NF1: variants seen among roughly 807,000 people sequenced by gnomAD.
The protein encoded by NF1 is neurofibromin 1.
In NF1, 122 loss-of-function variants were observed where a neutral mutation model predicts 325.7. The ratio of observed to expected loss-of-function variants is 0.37; its 90% confidence interval spans 0.32 to 0.44. The LOEUF (loss-of-function observed/expected upper bound fraction) is 0.44. Ranked by LOEUF, NF1 falls within the 20% of genes least tolerant of loss-of-function variation. The pLI, the probability that NF1 is intolerant of heterozygous loss-of-function variation, is 1.00. For synonymous variants in NF1, 1,091 were observed against 1,186.0 expected, an observed-to-expected ratio of 0.92 and a Z score of 1.65; for missense variants, 2,140 against 3,415.4, an observed-to-expected ratio of 0.63 and a Z score of 9.31.
chr17:31,330,262 G>A (rs568133192), intron 38 of NF1, 34 bp from the exon 39 acceptor site: 12 of 1,601,476 alleles, frequency 7.5e-6, no homozygotes, highest in Middle Eastern at 3.3e-4. Context: ...GGAAAAATAC[G>A]TTTTAAAACA....
intron 46 of NF1, among the ~76,000 whole-genome samples, chr17:31,339,221 A>G (rs923309216): frequency 6.6e-6 from 1 of 152,270 alleles, no homozygotes; most frequent in East Asian, 1.9e-4. Flanking sequence ...TAATGAAGTA[A>G]ACAAAATACG....
chr17:31,232,641 G>T, intron 25 of NF1, 59 bp from the exon 26 acceptor site: 1 of 1,512,510 alleles, frequency 6.6e-7, no homozygotes, highest in Non-Finnish European at 9.1e-7. Flanking sequence ...GGAATGTCTG[G>T]TTAGCTTTCT....
In NF1 at chr17:31,302,748, G is replaced by A. The variant is rs11652740; in HGVS notation, c.4836-23072G>A. ...TAGTCCCAGCTACTCAGTAGGCTGA[G>A]GCAGGAGAACCCCTTTAACGTGGGA... is the stretch of plus-strand genomic sequence containing the variant. On this transcript the variant is annotated intron_variant, in intron 36 of 57. Coordinates refer to ENST00000358273, the MANE Select transcript of NF1 (RefSeq NM_001042492.3). Among the ~76,000 whole-genome samples, 10 of 152,248 alleles carry A rather than the reference G, an allele frequency of 6.6e-5. No homozygotes were observed. The East Asian group carries it at 1.9e-3, about 29-fold the overall frequency.
At chr17:31,305,186 A>T (rs1267163540) in intron 36 of NF1, 1 of 1,614,138 alleles carries the variant, frequency 6.2e-7, no homozygotes, top group African/African-American at 1.3e-5. Flanking sequence ...GTATAGACAA[A>T]TGACTTTGGT....
chr17:31,185,823 C>CT (rs2066228420), intron 8 of NF1, among the ~76,000 whole-genome samples: 1 of 152,160 alleles, frequency 6.6e-6, no homozygotes, highest in Non-Finnish European at 1.5e-5. Flanking sequence ...TCCAATGGTG[C>CT]TTGAAGTGTC....
chr17:31,102,684 A>G (rs1026918678), intron 1 of NF1, among the ~76,000 whole-genome samples: 1 of 151,526 alleles, frequency 6.6e-6, no homozygotes, highest in African/African-American at 2.4e-5. Context: ...ACAGTGAGCC[A>G]TGATTGTGCC....
intron 5 of NF1, among the ~76,000 whole-genome samples, chr17:31,173,924 A>C (rs7215602): frequency 6.6e-6 from 1 of 152,208 alleles, no homozygotes; most frequent in Non-Finnish European, 1.5e-5. Flanking sequence ...GAGTAATGTC[A>C]TTATTTGGAA....
chr17:31,368,855 C>A (rs1880421751), intron 57 of NF1, among the ~76,000 whole-genome samples: 4 of 152,156 alleles, frequency 2.6e-5, no homozygotes, highest in Admixed American at 1.3e-4. Context: ...AAGTCTCAAA[C>A]CTAGGTCTTC....
At chr17:31,123,640 A>C (rs1321475519) in intron 1 of NF1, among the ~76,000 whole-genome samples, 1 of 152,218 alleles carries the variant, frequency 6.6e-6, no homozygotes, top group East Asian at 1.9e-4. Context: ...AAGTGAAGAT[A>C]GTTGAAATGT....
At chr17:31,116,030 G>C (rs1913875264) in intron 1 of NF1, among the ~76,000 whole-genome samples, 1 of 152,150 alleles carries the variant, frequency 6.6e-6, no homozygotes, top group Non-Finnish European at 1.5e-5. Flanking sequence ...ACTTATGACA[G>C]CTATATCATC....
At chr17:31,217,321 T>A (rs2066835769) in intron 13 of NF1, among the ~76,000 whole-genome samples, 1 of 152,076 alleles carries the variant, frequency 6.6e-6, no homozygotes, top group Non-Finnish European at 1.5e-5. Flanking sequence ...TCTTCTTTTT[T>A]TTTTTTCTGA....
intron 57 of NF1, among the ~76,000 whole-genome samples, chr17:31,368,040 A>C (rs2070564606): frequency 6.6e-6 from 1 of 152,248 alleles, no homozygotes; most frequent in African/African-American, 2.4e-5. Context: ...TAATTTATAA[A>C]AGATGCCTTT....
intron 5 of NF1, among the ~76,000 whole-genome samples, chr17:31,174,312 A>G (rs2065981710): frequency 6.6e-6 from 1 of 152,224 alleles, no homozygotes; most frequent in Non-Finnish European, 1.5e-5. Context: ...AAATGAACAT[A>G]CTTTTATGAT....
chr17:31,203,564 A>G (rs2066568401), intron 11 of NF1, among the ~76,000 whole-genome samples: 1 of 152,210 alleles, frequency 6.6e-6, no homozygotes, highest in Non-Finnish European at 1.5e-5. Flanking sequence ...TAAAGTGAAT[A>G]TAGAAATTTA....
intron 36 of NF1, chr17:31,272,621 A>T (rs1597762066): frequency 6.6e-6 from 1 of 152,200 alleles, no homozygotes; most frequent in East Asian, 1.9e-4. Flanking sequence ...TCTTCCTGGG[A>T]TTAGGTCTGG....
At chr17:31,361,142 A>G in intron 57 of NF1, 1 of 160,944 alleles carries the variant, frequency 6.2e-6, no homozygotes, top group Non-Finnish European at 1.3e-5. Flanking sequence ...TCTATTAGGT[A>G]CCTCACTTTC....
chr17:31,178,446 A>C (rs2066063443), intron 5 of NF1, among the ~76,000 whole-genome samples: 2 of 152,232 alleles, frequency 1.3e-5, no homozygotes. Flanking sequence ...TATGCTGTGA[A>C]GAAACTGCAT....
chr17:31,350,109 TAAG>T, intron 49 of NF1, 71 bp from the exon 50 acceptor site: 1 of 1,524,750 alleles, frequency 6.6e-7, no homozygotes, highest in Non-Finnish European at 9.1e-7. Context: ...TAGGAGACTG[TAAG>T]AAGTTCATCC....
chr17:31,262,087 C>A (rs2067696756), intron 35 of NF1, among the ~76,000 whole-genome samples: 1 of 152,052 alleles, frequency 6.6e-6, no homozygotes, highest in African/African-American at 2.4e-5. Context: ...TATCATCTTG[C>A]TTTCATAAGT....
Sources: allele counts gnomAD v4.1 joint callset (sites outside exome capture counted in the v4.1 genomes callset), GRCh38; gene constraint gnomAD v4.1.1; transcripts MANE v1.5; gene names NCBI Gene and HGNC (gene_info 2026-07-23, HGNC 2026-07-21).